ASCC1: variants seen among roughly 807,000 people sequenced by gnomAD.
ASCC1 encodes ASC-1 complex subunit P50.
A neutral mutation model predicts 46.6 loss-of-function variants in ASCC1; 35 were observed. The observed-to-expected ratio is 0.75, with a 90% CI of 0.57 to 0.99. ASCC1 has a LOEUF of 0.99. ASCC1 is among the 50% of genes least tolerant of loss of function. The probability of loss-of-function intolerance (pLI) is 0.00; values close to 1 mark genes in which losing one functional copy is unlikely to be tolerated. For synonymous variants in ASCC1, 143 were observed against 146.6 expected (o/e 0.98, Z 0.18); for missense variants, 376 against 428.7 (o/e 0.88, Z 1.09).
chr10:72,179,467 T>C (rs1852285435), intron 5 of ASCC1, among the ~76,000 whole-genome samples: 1 of 152,182 alleles, frequency 6.6e-6, no homozygotes, highest in African/African-American at 2.4e-5. Flanking sequence ...TAACAGGATA[T>C]TTTTTTCCCA....
At position 72,190,444 on chromosome 10, in the gene ASCC1, G is replaced by A. The variant is rs1267349114; in HGVS notation, c.489+6367C>T. 1.9e-6 allele frequency: 3 copies of A among 1,598,244 alleles called. No individual in the cohort carries two copies. In the Admixed American group the frequency reaches 5.0e-5, roughly 27 times the overall value. ...AACCAGTCCACAACCACAGGGAGAT[G>A]CGTGGGCTGACATCTGCAGGCCGAA... On this transcript the variant is annotated intron_variant, in intron 5 of 9. Transcript: ENST00000672957.
Position 72,152,912 on chromosome 10 carries a change from C to G in ASCC1, c.703G>C (p.Asp235His). Reference sequence around the variant, plus strand: ...ATATGGACTTTGGCGTAAAGAACATCCACCATGCCAGGATCATCATTCATG... The same window carrying G: ...ATATGGACTTTGGCGTAAAGAACATGCACCATGCCAGGATCATCATTCATG... The part of the protein sequence containing the change: ...EYMNDDPGMV[D>H]VLYAKVHMKD... Residue 235 changes from aspartate (D) to histidine (H), a missense_variant, in exon 7 of 10, where the codon GAT becomes CAT. Coordinates refer to ENST00000672957, the MANE Select transcript of ASCC1 (RefSeq NM_001198800.3). The G allele has an allele frequency of 6.2e-7, 1 of 1,614,148 alleles. No homozygotes were observed. The highest frequency in any genetic ancestry group is 8.5e-7 in the Non-Finnish European group (1 of 1,179,998).
intron 5 of ASCC1, among the ~76,000 whole-genome samples, chr10:72,190,990 C>T (rs1589548455): frequency 2.5e-5 from 2 of 80,444 alleles, no homozygotes; most frequent in Non-Finnish European, 2.2e-5. Context: ...AGCGAGACGC[C>T]GTCTCAAAAA....
At chr10:72,145,421 C>T (rs1011274552) in intron 7 of ASCC1, among the ~76,000 whole-genome samples, 1 of 152,172 alleles carries the variant, frequency 6.6e-6, no homozygotes, top group Non-Finnish European at 1.5e-5. Context: ...GGCTTTTGCT[C>T]TGCTCTTCTG....
chr10:72,111,213 C>T (rs983298535), intron 9 of ASCC1, among the ~76,000 whole-genome samples: 6 of 152,162 alleles, frequency 3.9e-5, no homozygotes, highest in Non-Finnish European at 5.9e-5. Flanking sequence ...TCAGGCCAGG[C>T]GTGGTGGCTC....
rs111594917 is a variant in ASCC1 at position 72,111,538 on chromosome 10, T to A, written c.958-14088A>T. 2.6e-3 allele frequency among the ~76,000 whole-genome samples: 394 copies of A among 152,286 alleles called. 3 individuals are homozygous for A. Among genetic ancestry groups the A allele is most frequent in the African/African-American group, 9.1e-3 (377 of 41,564 alleles). The stretch of plus-strand genomic sequence containing the variant: ...TACAACTGAGAGAATAAACTCTGAA[T>A]TGAATTTCTGATTATACCATTTTCT... On this transcript the variant is annotated intron_variant, in intron 9 of 9. Transcript: ENST00000672957.
chr10:72,122,094 T>G (rs547320963), intron 9 of ASCC1, among the ~76,000 whole-genome samples: 1 of 152,114 alleles, frequency 6.6e-6, no homozygotes, highest in Admixed American at 6.5e-5. Flanking sequence ...ATAACAAAGA[T>G]AGCAGGAAAA....
chr10:72,199,367 G>A (rs553235212), intron 4 of ASCC1, among the ~76,000 whole-genome samples: 6 of 145,532 alleles, frequency 4.1e-5, no homozygotes, highest in Admixed American at 2.1e-4. Context: ...GCACGATCTC[G>A]GCTCACTGCA....
At chr10:72,176,574 G>GA (rs769102930) in intron 5 of ASCC1, among the ~76,000 whole-genome samples, 17 of 151,670 alleles carry the variant, frequency 1.1e-4, no homozygotes, top group Non-Finnish European at 2.2e-4. Flanking sequence ...CAAACTCCTG[G>GA]ACTCAAGGGA....
intron 4 of ASCC1, among the ~76,000 whole-genome samples, chr10:72,201,526 A>C (rs773160275): frequency 1.3e-5 from 2 of 151,864 alleles, no homozygotes; most frequent in Non-Finnish European, 2.9e-5. Flanking sequence ...CTCTACAAAA[A>C]GTATTAAAAA....
chr10:72,097,967 G>C (rs1230365129), intron 9 of ASCC1, among the ~76,000 whole-genome samples: 2 of 152,222 alleles, frequency 1.3e-5, no homozygotes, highest in African/African-American at 4.8e-5. Flanking sequence ...ACAAACCACT[G>C]AGGGACACAG....
At chr10:72,132,420 G>C (rs975746440) in intron 8 of ASCC1, among the ~76,000 whole-genome samples, 3 of 152,084 alleles carry the variant, frequency 2.0e-5, no homozygotes, top group Non-Finnish European at 2.9e-5. Context: ...TTAAAACAAG[G>C]CATTTTTATA....
intron 9 of ASCC1, among the ~76,000 whole-genome samples, chr10:72,123,207 C>T (rs1287792030): frequency 6.6e-6 from 1 of 151,824 alleles, no homozygotes; most frequent in Non-Finnish European, 1.5e-5. Flanking sequence ...GGCATGGTGG[C>T]GTGTGCCTGT....
rs781528301 is a variant in ASCC1 at position 72,133,116 on chromosome 10, C to T, written c.812G>A (p.Trp271Ter). Residue 271 changes from tryptophan to a stop codon, truncating the protein, a stop_gained, in exon 8 of 10, where the codon TGG (tryptophan) becomes TAG (stop). Transcript: ENST00000672957. LOFTEE classifies it high-confidence loss of function. ...TGTAGCATGCAGTTTCACACTATTC[C>T]ACTCTTTCACTATTAGTCCAGATGC... is the stretch of plus-strand genomic sequence containing the variant. ...FQASGLIVKE[W>*]NSVKLHATVM... is the part of the protein sequence containing the mutation. 11 of 1,613,800 alleles carry T rather than the reference C, an allele frequency of 6.8e-6. No individual in the cohort carries two copies. Among genetic ancestry groups the T allele is most frequent in the Non-Finnish European group, 9.3e-6 (11 of 1,179,818 alleles).
intron 5 of ASCC1, among the ~76,000 whole-genome samples, chr10:72,182,411 G>A (rs1852752564): frequency 6.6e-6 from 1 of 152,146 alleles, no homozygotes; most frequent in South Asian, 2.1e-4. Flanking sequence ...CTTGTGTGGG[G>A]CTGCCTGAGG....
chr10:72,192,081 G>A (rs1345197935), intron 5 of ASCC1, among the ~76,000 whole-genome samples: 1 of 152,076 alleles, frequency 6.6e-6, no homozygotes, highest in Non-Finnish European at 1.5e-5. Context: ...TACAGATTAG[G>A]AGAAAATATC....
At chr10:72,106,346 G>A (rs1255700551) in intron 9 of ASCC1, among the ~76,000 whole-genome samples, 2 of 152,182 alleles carry the variant, frequency 1.3e-5, no homozygotes, top group Non-Finnish European at 2.9e-5. Flanking sequence ...GTATTTAGAA[G>A]GATGTTCTAG....
At chr10:72,182,002 A>G (rs1187996155) in intron 5 of ASCC1, among the ~76,000 whole-genome samples, 1 of 152,072 alleles carries the variant, frequency 6.6e-6, no homozygotes, top group African/African-American at 2.4e-5. Context: ...ATTCTGATAC[A>G]CATGTAATCA....
intron 2 of ASCC1, among the ~76,000 whole-genome samples, chr10:72,211,941 T>A (rs1394874079): frequency 6.6e-6 from 1 of 152,152 alleles, no homozygotes; most frequent in African/African-American, 2.4e-5. Flanking sequence ...CTCAGCACTT[T>A]GGGAGGCCAA....
Sources: gnomAD v4.1 joint callset for allele counts (sites outside exome capture counted in the v4.1 genomes callset) on GRCh38, gnomAD v4.1.1 for gene constraint, MANE v1.5 for transcripts, NCBI Gene and HGNC (gene_info 2026-07-23, HGNC 2026-07-21) for gene names.